PCSK9: variants seen among roughly 807,000 people sequenced by gnomAD.
The protein encoded by PCSK9 is proprotein convertase subtilisin/kexin type 9.
Under a neutral mutation model 62.1 loss-of-function variants are expected in PCSK9, and 57 were observed. That is an observed-to-expected ratio of 0.92 (90% CI 0.74 to 1.14). The LOEUF (loss-of-function observed/expected upper bound fraction) is 1.14, where lower values mean the gene tolerates loss of function less well. Among genes scored for constraint, PCSK9 ranks in the 50% most tolerant of loss-of-function variants. The probability of loss-of-function intolerance (pLI) is 0.00; values close to 1 mark genes in which losing one functional copy is unlikely to be tolerated. For synonymous variants in PCSK9, 387 were observed against 409.4 expected, an observed-to-expected ratio of 0.95 and a Z score of 0.66; for missense variants, 870 against 959.8, an observed-to-expected ratio of 0.91 and a Z score of 1.24.
rs11583680 is a variant in PCSK9, at chr1:55,039,995, C to T, written c.158C>T (p.Ala53Val). ...LALRSEEDGL[A>V]EAPEHGTTAT... The stretch of plus-strand genomic sequence containing the variant: ...TTGCGTTCCGAGGAGGACGGCCTGG[C>T]CGAAGCACCCGAGCACGGAACCACA... Residue 53 changes from alanine (A) to valine (V), a missense_variant, in exon 1 of 12, where the codon GCC becomes GTC. Coordinates refer to ENST00000302118, the MANE Select transcript of PCSK9 (RefSeq NM_174936.4). 201,410 of 1,578,058 alleles carry T rather than the reference C, an allele frequency of 0.13. 13,709 individuals carry two copies. Among genetic ancestry groups the T allele is most frequent in the South Asian group, 0.15 (12,770 of 85,896 alleles).
At chr1:55,061,680 CT>C in intron 11 of PCSK9, 124 bp downstream of exon 11, 1 of 1,230,134 alleles carries the variant, frequency 8.1e-7, no homozygotes, top group South Asian at 1.3e-5. Flanking sequence ...CAGGTAGATG[CT>C]GTGGGCAGCT....
At chr1:55,050,413 G>T (rs1218050932) in intron 3 of PCSK9, among the ~76,000 whole-genome samples, 2 of 152,218 alleles carry the variant, frequency 1.3e-5, no homozygotes, top group African/African-American at 4.8e-5. Flanking sequence ...AGCGCTCTCA[G>T]CCACCCCTTC....
chr1:55,050,880 T>C, intron 3 of PCSK9: 1 of 327,570 alleles, frequency 3.1e-6, no homozygotes, highest in East Asian at 1.0e-4. Flanking sequence ...ATTAAGCATC[T>C]CAAGATGGCA....
intron 8 of PCSK9, 30 bp from the exon 9 acceptor site, chr1:55,058,469 C>G (rs1392649617): frequency 6.2e-7 from 1 of 1,612,166 alleles, no homozygotes; most frequent in South Asian, 1.1e-5. Context: ...ACTCCCAGCA[C>G]CCCCTCCTCA....
intron 4 of PCSK9, 67 bp from the exon 5 acceptor site, chr1:55,052,583 C>T (rs1433116020): frequency 6.2e-7 from 1 of 1,606,238 alleles, no homozygotes; most frequent in African/African-American, 1.3e-5. Context: ...TCCATCCAGC[C>T]ACCTGCTGAT....
At chr1:55,052,984 G>T (rs1047000328) in intron 5 of PCSK9, among the ~76,000 whole-genome samples, 193 bp downstream of exon 5, 1 of 152,194 alleles carries the variant, frequency 6.6e-6, no homozygotes, top group Non-Finnish European at 1.5e-5. Flanking sequence ...AGAAACCCAG[G>T]CCCCAAGAGG....
At chr1:55,052,059 T>G in intron 3 of PCSK9, 1 of 657,164 alleles carries the variant, frequency 1.5e-6, no homozygotes, top group Non-Finnish European at 2.7e-6. Context: ...CTGATGGCCT[T>G]GGACAGTTAC....
In PCSK9 at chr1:55,039,894, G is replaced by GCTC; in HGVS notation, c.59_60insCCT (p.Leu23dup). 1 of 1,565,496 alleles carries GCTC rather than the reference G, an allele frequency of 6.4e-7. No individual in the cohort carries two copies. ...GGCCGCTGCCACTGCTGCTGCTGCT[G>GCTC]CTGCTGCTCCTGGGTCCCGCGGGCG... On this transcript the variant is annotated inframe_insertion, in exon 1 of 12. Transcript: ENST00000302118.
rs765128313 is a variant in PCSK9, at chr1:55,056,123, G to C, written c.930G>C (p.Val310=). The change falls in exon 6 of 12, where the codon GTG becomes GTC. Residue 310 remains valine (V), a synonymous_variant. Coordinates refer to ENST00000302118, the MANE Select transcript of PCSK9 (RefSeq NM_174936.4). ...ACQRLARAGV[V]LVTAAGNFRD... is the part of the protein sequence containing the mutation. ...AGCGCCTGGCGAGGGCTGGGGTCGT[G>C]CTGGTCACCGCTGCCGGCAACTTCC... is the stretch of plus-strand genomic sequence containing the variant. The C allele has an allele frequency of 9.5e-6, 15 of 1,571,846 alleles. No individual in the cohort carries two copies. The highest frequency in any genetic ancestry group is 1.3e-5 in the Non-Finnish European group (15 of 1,153,464).
At position 55,045,838 on chromosome 1, in the gene PCSK9, T is replaced by C. The variant is rs1042207032; in HGVS notation, c.400-685T>C. Among the ~76,000 whole-genome samples the C allele has an allele frequency of 6.6e-5, 10 of 152,100 alleles. No homozygotes were observed. The East Asian group carries it at 1.7e-3, about 26-fold the overall frequency. On this transcript the variant is annotated intron_variant, in intron 2 of 11. Transcript: ENST00000302118. ...GATTCTCCTGCCTCAGCCTCCCGAG[T>C]AGCTGGGACTACAGGTGTGTGCCAC...
chr1:55,058,940 C>T (rs551379054), intron 9 of PCSK9, among the ~76,000 whole-genome samples: 16 of 152,298 alleles, frequency 1.1e-4, no homozygotes, highest in Non-Finnish European at 1.6e-4. Flanking sequence ...GCGGCAGGGC[C>T]GCGTGAGGGT....
intron 7 of PCSK9, 61 bp from the exon 8 acceptor site, chr1:55,057,975 T>A: frequency 1.9e-6 from 3 of 1,590,480 alleles, no homozygotes; most frequent in Non-Finnish European, 2.6e-6. Context: ...CTGGCAGGAG[T>A]CCCCTGCTGG....
Position 55,039,915 on chromosome 1 carries a change from G to T in PCSK9, c.78G>T (p.Ala26=). 6.4e-7 allele frequency: 1 copy of T among 1,567,154 alleles called. No individual in the cohort carries two copies. Among genetic ancestry groups the T allele is most frequent in the Non-Finnish European group, 8.6e-7 (1 of 1,157,034 alleles). ...LLLLLLLLGP[A]GARAQEDEDG... is the part of the protein sequence containing the mutation. ...TGCTGCTGCTGCTCCTGGGTCCCGC[G>T]GGCGCCCGTGCGCAGGAGGACGAGG... is the stretch of plus-strand genomic sequence containing the variant. Residue 26 remains alanine, a synonymous_variant, in exon 1 of 12, where the codon GCG becomes GCT. Transcript: ENST00000302118.
intron 2 of PCSK9, among the ~76,000 whole-genome samples, chr1:55,046,285 G>GT (rs1557500556): frequency 6.6e-6 from 1 of 152,206 alleles, no homozygotes; most frequent in Admixed American, 6.5e-5. Flanking sequence ...TTCCTAAAAG[G>GT]AATCCTCTAT....
chr1:55,048,935 C>T (rs953788855), intron 3 of PCSK9, among the ~76,000 whole-genome samples: 6 of 152,222 alleles, frequency 3.9e-5, no homozygotes, highest in Non-Finnish European at 7.3e-5. Context: ...GTTTTGAGCA[C>T]CCACTGTGCG....
chr1:55,061,119 A>G (rs1168379597), intron 10 of PCSK9, among the ~76,000 whole-genome samples: 1 of 152,090 alleles, frequency 6.6e-6, no homozygotes, highest in African/African-American at 2.4e-5. Flanking sequence ...CTCTGGGTGG[A>G]AAGATGGTGT....
At chr1:55,049,102 G>A (rs1644655428) in intron 3 of PCSK9, among the ~76,000 whole-genome samples, 1 of 152,240 alleles carries the variant, frequency 6.6e-6, no homozygotes, top group African/African-American at 2.4e-5. Context: ...AGGAGTGCAG[G>A]CAGCTGCGAG....
Position 55,063,355 on chromosome 1 carries a change from TC to T in PCSK9, c.1864-13del. Reference sequence around the variant, plus strand: ...ACGCTAGACATGTGCTTTCTTTTCCTCGGGCTCTGGCAGGTGACCGTGGCCT... The same window carrying T: ...ACGCTAGACATGTGCTTTCTTTTCCTGGGCTCTGGCAGGTGACCGTGGCCT... On this transcript the variant is annotated splice_polypyrimidine_tract_variant and intron_variant, in intron 11 of 11. Coordinates refer to ENST00000302118, the MANE Select transcript of PCSK9 (RefSeq NM_174936.4). 1.2e-6 allele frequency: 2 copies of T among 1,612,542 alleles called. No individual in the cohort carries two copies. The highest frequency in any genetic ancestry group is 1.7e-6 in the Non-Finnish European group (2 of 1,179,324).
At chr1:55,041,222 G>C (rs1199945721) in intron 1 of PCSK9, among the ~76,000 whole-genome samples, 4 of 152,168 alleles carry the variant, frequency 2.6e-5, no homozygotes, top group Non-Finnish European at 4.4e-5. Context: ...CATTGTCTTT[G>C]CTCCAAACCA....
Sources: allele counts gnomAD v4.1 joint callset (sites outside exome capture counted in the v4.1 genomes callset), GRCh38; gene constraint gnomAD v4.1.1; transcripts MANE v1.5; gene names NCBI Gene and HGNC (gene_info 2026-07-23, HGNC 2026-07-21).